The following ADAM10 variants were observed in gnomAD, a reference collection of about 807,000 sequenced individuals.
ADAM10 encodes the protein ADAM metallopeptidase domain 10.
ADAM10 carries 17 observed loss-of-function variants against 90.1 expected under a neutral mutation model. The ratio of observed to expected loss-of-function variants is 0.19; its 90% CI spans 0.13 to 0.28. The LOEUF (loss-of-function observed/expected upper bound fraction) is 0.28, where lower values mean the gene tolerates loss of function less well. Ranked by LOEUF, ADAM10 falls within the 10% of genes least tolerant of loss-of-function variation. The pLI is 1.00. For synonymous variants in ADAM10, 310 were observed against 298.6 expected (o/e 1.04, Z -0.40); for missense variants, 610 against 914.3 (o/e 0.67, Z 4.29).
intron 1 of ADAM10, among the ~76,000 whole-genome samples, chr15:58,720,544 G>C (rs1239259736): frequency 6.6e-6 from 1 of 151,984 alleles, no homozygotes; most frequent in Non-Finnish European, 1.5e-5. Context: ...GGAGACTACA[G>C]GCACCTGCCA....
chr15:58,650,825 G>A (rs1896666479), intron 5 of ADAM10, among the ~76,000 whole-genome samples: 1 of 151,938 alleles, frequency 6.6e-6, no homozygotes, highest in Non-Finnish European at 1.5e-5. Flanking sequence ...CTATATATTA[G>A]TTGTACTAAT....
intron 5 of ADAM10, among the ~76,000 whole-genome samples, chr15:58,656,526 C>T (rs1201382951): frequency 6.6e-6 from 1 of 151,952 alleles, no homozygotes; most frequent in East Asian, 1.9e-4. Context: ...GCAAATACTA[C>T]CTTACAATCC....
At chr15:58,740,210 GGC>G (rs1447796641) in intron 1 of ADAM10, among the ~76,000 whole-genome samples, 34 of 152,152 alleles carry the variant, frequency 2.2e-4, no homozygotes, top group African/African-American at 8.2e-4. Flanking sequence ...TAGAGTTCGA[GGC>G]CAGCCTGGCC....
intron 5 of ADAM10, among the ~76,000 whole-genome samples, chr15:58,651,471 T>C (rs1212422666): frequency 6.6e-6 from 1 of 152,212 alleles, no homozygotes; most frequent in Non-Finnish European, 1.5e-5. Flanking sequence ...TTAAATTGTT[T>C]TAATTTTTAG....
At chr15:58,662,444 C>T (rs564114468) in intron 5 of ADAM10, among the ~76,000 whole-genome samples, 7 of 152,282 alleles carry the variant, frequency 4.6e-5, no homozygotes, top group South Asian at 2.1e-4. Context: ...GAAATCCTCT[C>T]GTCTCAGCCT....
chr15:58,612,245 T>G (rs553125456), intron 11 of ADAM10, among the ~76,000 whole-genome samples: 1 of 152,176 alleles, frequency 6.6e-6, no homozygotes, highest in East Asian at 1.9e-4. Context: ...CACAGAAAAG[T>G]CACACCCTGC....
intron 2 of ADAM10, among the ~76,000 whole-genome samples, chr15:58,688,187 G>A (rs1321280425): frequency 2.0e-5 from 3 of 152,136 alleles, no homozygotes; most frequent in South Asian, 4.1e-4. Context: ...CTTCCCAGTA[G>A]AAGCTCCTGT....
At position 58,593,084 on chromosome 15, in the gene ADAM10, A is replaced by C. The variant is rs772659383; in HGVS notation, c.*4463T>G. 1.3e-5 allele frequency: 2 copies of C among 149,760 alleles called. No individual in the cohort carries two copies. The highest frequency in any genetic ancestry group is 3.0e-5 in the Non-Finnish European group (2 of 67,526). 9.3% of individuals were successfully genotyped at this position (149,760 alleles called of 1,614,324 possible). A position where few individuals can be genotyped will look rare whatever the true frequency, so the allele number is the denominator to read the frequency against. On this transcript the variant is annotated 3_prime_UTR_variant, in exon 16 of 16. Transcript: ENST00000260408. Reference sequence around the variant, plus strand: ...CCATTAAATGAGAAAGGTGGGTTACAAAAGTGTGCATATTATGTTTTTGTC... The same window carrying C: ...CCATTAAATGAGAAAGGTGGGTTACCAAAGTGTGCATATTATGTTTTTGTC...
intron 5 of ADAM10, among the ~76,000 whole-genome samples, chr15:58,655,739 ATT>A (rs1896811851): frequency 1.2e-5 from 1 of 80,548 alleles, no homozygotes; most frequent in Non-Finnish European, 2.4e-5. Context: ...ATATATATAT[ATT>A]CTTTTTTTTT....
At chr15:58,631,191 G>A (rs1407553670) in intron 9 of ADAM10, among the ~76,000 whole-genome samples, 1 of 152,088 alleles carries the variant, frequency 6.6e-6, no homozygotes, top group Non-Finnish European at 1.5e-5. Context: ...TTTTTGTACA[G>A]CCTACAGAAT....
Position 58,627,894 on chromosome 15 carries a change from G to C in ADAM10, c.1177-11C>G, listed in dbSNP as rs374294113. 6.2e-7 allele frequency: 1 copy of C among 1,612,366 alleles called. No individual in the cohort carries two copies. The highest frequency in any genetic ancestry group is 1.7e-5 in the Admixed American group (1 of 59,970). ...TGTTCCAGAATCATGCTGTCAAAAA[G>C]AATATAAAGTTACATAAACAGGAAG... On this transcript the variant is annotated splice_polypyrimidine_tract_variant and intron_variant, in intron 9 of 15. Transcript: ENST00000260408.
intron 2 of ADAM10, 107 bp from the exon 3 acceptor site, chr15:58,682,421 T>C (rs1210776369): frequency 2.0e-6 from 3 of 1,469,190 alleles, no homozygotes; most frequent in African/African-American, 1.4e-5. Flanking sequence ...TGTTATGAAA[T>C]TTGTCTATTT....
chr15:58,724,415 A>C (rs1229585204), intron 1 of ADAM10, among the ~76,000 whole-genome samples: 4 of 152,212 alleles, frequency 2.6e-5, no homozygotes, highest in Non-Finnish European at 5.9e-5. Context: ...AATTTAGCCT[A>C]CCACCATAAA....
intron 1 of ADAM10, among the ~76,000 whole-genome samples, chr15:58,738,761 T>C (rs1899509448): frequency 1.3e-5 from 2 of 152,236 alleles, no homozygotes; most frequent in South Asian, 4.1e-4. Context: ...AAAATTGAAA[T>C]GTGTACGTAA....
At position 58,749,038 on chromosome 15, in the gene ADAM10, TG is replaced by T. The variant is rs1595678143; in HGVS notation, c.55+441del. On this transcript the variant is annotated intron_variant, in intron 1 of 15. Transcript: ENST00000260408. ...TCGGAATCCGCCACCGGGCAGGGGC[TG>T]GGGGAGGAATGGTGAGCAGGATGAG... 1.3e-5 allele frequency: 5 copies of T among 398,908 alleles called. No individual in the cohort carries two copies. In the East Asian group the frequency reaches 1.4e-4, roughly 11 times the overall value. The allele number at this position is 398,908 out of a possible 1,614,324, so 24.7% of individuals were successfully genotyped here. A position where few individuals can be genotyped will look rare whatever the true frequency, so the allele number is the denominator to read the frequency against.
intron 2 of ADAM10, among the ~76,000 whole-genome samples, chr15:58,687,109 G>C (rs1387463514): frequency 2.0e-5 from 3 of 152,220 alleles, no homozygotes; most frequent in African/African-American, 7.2e-5. Context: ...AGACCAGAAA[G>C]TACAAATTGC....
intron 14 of ADAM10, among the ~76,000 whole-genome samples, chr15:58,608,821 A>G (rs1217072653): frequency 6.6e-6 from 1 of 152,222 alleles, no homozygotes; most frequent in Non-Finnish European, 1.5e-5. Context: ...AGTGAAAATT[A>G]GAGATAACAG....
At chr15:58,652,480 C>G (rs1462674487) in intron 5 of ADAM10, among the ~76,000 whole-genome samples, 1 of 152,144 alleles carries the variant, frequency 6.6e-6, no homozygotes, top group East Asian at 1.9e-4. Context: ...TTTCCCAGCA[C>G]CATTTATTGA....
At chr15:58,675,456 T>C (rs753638786) in intron 4 of ADAM10, among the ~76,000 whole-genome samples, 5 of 152,216 alleles carry the variant, frequency 3.3e-5, no homozygotes, top group Non-Finnish European at 7.3e-5. Context: ...CTAAAACCTG[T>C]TCATGTTAAT....
Sources: allele counts gnomAD v4.1 joint callset (sites outside exome capture counted in the v4.1 genomes callset), GRCh38; gene constraint gnomAD v4.1.1; transcripts MANE v1.5; gene names NCBI Gene and HGNC (gene_info 2026-07-23, HGNC 2026-07-21).